The following THUMPD2 variants were observed in gnomAD, a reference collection of about 807,000 sequenced individuals.
The protein encoded by THUMPD2 is U6 snRNA (guanine-N(2))-methyltransferase THUMPD2.
Under a neutral mutation model 49.4 loss-of-function variants are expected in THUMPD2, and 56 were observed. The observed-to-expected ratio is 1.13, with a 90% CI of 0.91 to 1.41. The LOEUF (loss-of-function observed/expected upper bound fraction) is 1.41. Among genes scored for constraint, THUMPD2 ranks in the 40% most tolerant of loss-of-function variants. The pLI, the probability that THUMPD2 is intolerant of heterozygous loss-of-function variation, is 0.00. For missense variants in THUMPD2, 709 were observed against 594.5 expected, an observed-to-expected ratio of 1.19 and a Z score of -2.00; for synonymous variants, 237 against 205.2, an observed-to-expected ratio of 1.15 and a Z score of -1.32.
At chr2:39,750,714 C>CA (rs57455753) in intron 8 of THUMPD2, among the ~76,000 whole-genome samples, 1 of 151,446 alleles carries the variant, frequency 6.6e-6, no homozygotes, top group Non-Finnish European at 1.5e-5. Flanking sequence ...CAAAAAACAA[C>CA]AAAAAAAAAT....
At chr2:39,753,102 T>G (rs1334106954) in intron 8 of THUMPD2, among the ~76,000 whole-genome samples, 2 of 152,062 alleles carry the variant, frequency 1.3e-5, no homozygotes, top group Non-Finnish European at 2.9e-5. Flanking sequence ...ACTTCTATGT[T>G]CAAAAAAACC....
intron 6 of THUMPD2, among the ~76,000 whole-genome samples, chr2:39,760,669 T>C (rs1282076192): frequency 2.0e-5 from 3 of 151,788 alleles, no homozygotes; most frequent in Non-Finnish European, 4.4e-5. Flanking sequence ...GGCAAAGAAA[T>C]ACTAGGCTGA....
At chr2:39,776,957 C>A (rs1027125469) in intron 1 of THUMPD2, among the ~76,000 whole-genome samples, 6 of 152,204 alleles carry the variant, frequency 3.9e-5, no homozygotes, top group Non-Finnish European at 8.8e-5. Flanking sequence ...TGGAAAAACA[C>A]ATTAAAATGA....
intron 1 of THUMPD2, among the ~76,000 whole-genome samples, chr2:39,777,253 T>G (rs1283125182): frequency 6.6e-6 from 1 of 152,180 alleles, no homozygotes; most frequent in African/African-American, 2.4e-5. Flanking sequence ...GCTCAGAAAT[T>G]TGAGTAATTT....
At chr2:39,764,173 T>C (rs1677203170) in intron 5 of THUMPD2, among the ~76,000 whole-genome samples, 1 of 152,220 alleles carries the variant, frequency 6.6e-6, no homozygotes, top group Admixed American at 6.5e-5. Context: ...TAATCAAGCA[T>C]TTATCACAGA....
chr2:39,764,490 T>C (rs1003499093), intron 5 of THUMPD2, among the ~76,000 whole-genome samples: 3 of 152,250 alleles, frequency 2.0e-5, no homozygotes, highest in Admixed American at 6.5e-5. Context: ...TAATGCTTCA[T>C]GGGGCTATTG....
intron 1 of THUMPD2, among the ~76,000 whole-genome samples, chr2:39,774,892 G>T (rs7560642): frequency 0.45 from 68,429 of 151,974 alleles, 16,683 homozygotes; most frequent in East Asian, 0.75. Context: ...TAACAGCCTT[G>T]ATTAATAACA....
At chr2:39,751,609 T>C (rs1279638347) in intron 8 of THUMPD2, among the ~76,000 whole-genome samples, 1 of 152,090 alleles carries the variant, frequency 6.6e-6, no homozygotes, top group East Asian at 1.9e-4. Context: ...ACTTATAATA[T>C]TCATTTGATT....
intron 9 of THUMPD2, among the ~76,000 whole-genome samples, chr2:39,743,491 T>G (rs540721226): frequency 1.3e-5 from 2 of 152,314 alleles, no homozygotes; most frequent in East Asian, 3.9e-4. Flanking sequence ...ATGTTGAAAT[T>G]TGATCCCCAG....
chr2:39,778,549 C>G (rs1486063858), intron 1 of THUMPD2, among the ~76,000 whole-genome samples: 1 of 152,214 alleles, frequency 6.6e-6, no homozygotes, highest in African/African-American at 2.4e-5. Flanking sequence ...ATTCTAAAAC[C>G]TAAACCGATG....
Position 39,736,839 on chromosome 2 carries a change from A to C in THUMPD2, c.1408T>G (p.Ser470Ala). 6.2e-7 allele frequency: 1 copy of C among 1,614,222 alleles called. No homozygotes were observed. Among genetic ancestry groups the C allele is most frequent in the Non-Finnish European group, 8.5e-7 (1 of 1,180,026 alleles). Residue 470 changes from serine (S) to alanine (A), a missense_variant, in exon 10 of 10, where the codon TCA (serine) becomes GCA (alanine). By Grantham distance (99) the Ser-to-Ala change is moderately conservative. Coordinates refer to ENST00000505747, the MANE Select transcript of THUMPD2 (RefSeq NM_025264.5). ...ACTGGTACCAAGGAGCCAAATGGTG[A>C]CATTCTGTCTAAGAATTTGTGGTTA... The part of the protein sequence containing the change: ...ASNHKFLDRM[S>A]PFGSLVPVEC...
intron 8 of THUMPD2, among the ~76,000 whole-genome samples, chr2:39,754,284 C>G (rs963379295): frequency 6.6e-6 from 1 of 152,190 alleles, no homozygotes; most frequent in Non-Finnish European, 1.5e-5. Flanking sequence ...GTCTCCTGCA[C>G]AGAGTCCTAT....
At chr2:39,762,953 A>C (rs1677016835) in intron 5 of THUMPD2, among the ~76,000 whole-genome samples, 1 of 151,960 alleles carries the variant, frequency 6.6e-6, no homozygotes, top group Admixed American at 6.6e-5. Flanking sequence ...TATTTGACAA[A>C]AGTGAATGTT....
intron 8 of THUMPD2, among the ~76,000 whole-genome samples, chr2:39,750,981 A>G (rs1675323533): frequency 6.6e-6 from 1 of 152,246 alleles, no homozygotes; most frequent in Admixed American, 6.5e-5. Flanking sequence ...AAACAATAAA[A>G]AAGGACTTAT....
intron 6 of THUMPD2, 69 bp from the exon 7 acceptor site, chr2:39,756,029 A>AAAAAAAC: frequency 7.3e-7 from 1 of 1,371,020 alleles, no homozygotes; most frequent in South Asian, 1.2e-5. Context: ...GAAACCTAAA[A>AAAAAAAC]CTTGAGGAAT....
chr2:39,738,590 T>C (rs946864068), intron 9 of THUMPD2, among the ~76,000 whole-genome samples: 1 of 99,408 alleles, frequency 1.0e-5, no homozygotes, highest in Non-Finnish European at 1.9e-5. Flanking sequence ...TTTACACACA[T>C]ACATATGTAA....
chr2:39,757,558 T>C (rs1045827563), intron 6 of THUMPD2, among the ~76,000 whole-genome samples: 9 of 152,212 alleles, frequency 5.9e-5, no homozygotes, highest in African/African-American at 2.2e-4. Flanking sequence ...AAATGTGCCA[T>C]ACGCTGTGCT....
intron 8 of THUMPD2, among the ~76,000 whole-genome samples, chr2:39,754,446 T>C (rs1235470345): frequency 6.6e-6 from 1 of 152,208 alleles, no homozygotes; most frequent in East Asian, 1.9e-4. Context: ...TACTCATCTT[T>C]ACTACTTTTC....
intron 6 of THUMPD2, chr2:39,757,220 G>T: frequency 2.3e-6 from 1 of 441,252 alleles, no homozygotes; most frequent in Non-Finnish European, 4.5e-6. Context: ...TGTCTAGAAG[G>T]GGCAAGGAGG....
Sources: allele counts gnomAD v4.1 joint callset (sites outside exome capture counted in the v4.1 genomes callset), GRCh38; gene constraint gnomAD v4.1.1; transcripts MANE v1.5; gene names NCBI Gene and HGNC (gene_info 2026-07-23, HGNC 2026-07-21).